The following MTUS2 variants were observed in gnomAD, a reference collection of about 807,000 sequenced individuals.
The protein encoded by MTUS2 is microtubule-associated tumor suppressor candidate 2.
In MTUS2, 40 loss-of-function variants were observed where a neutral mutation model predicts 114.1. The observed-to-expected ratio is 0.35, with a 90% confidence interval of 0.27 to 0.46. The LOEUF is 0.46. MTUS2 is among the 20% of genes least tolerant of loss of function. The pLI is 1.00. For missense variants in MTUS2, 1,679 were observed against 1,705.4 expected (o/e 0.98, Z 0.27); for synonymous variants, 688 against 672.0 (o/e 1.02, Z -0.37).
intron 7 of MTUS2, among the ~76,000 whole-genome samples, chr13:29,350,856 G>A (rs144061344): frequency 1.3e-5 from 2 of 151,416 alleles, no homozygotes; most frequent in African/African-American, 2.4e-5. Context: ...TCTTATAAGA[G>A]CACTAATCCC....
chr13:29,307,846 G>T, intron 6 of MTUS2: 1 of 681,458 alleles, frequency 1.5e-6, no homozygotes, highest in East Asian at 2.9e-5. Flanking sequence ...TTCACTGCTG[G>T]GGGACACTTA....
intron 4 of MTUS2, among the ~76,000 whole-genome samples, chr13:29,059,227 G>GA: frequency 1.4e-5 from 1 of 71,368 alleles, no homozygotes; most frequent in Non-Finnish European, 2.7e-5. Flanking sequence ...CTATTCTTTG[G>GA]ATTTTTTTTT....
rs1899507664 is a variant in MTUS2 at position 29,307,142 on chromosome 13, C to A, written c.2807-17471C>A. ...GGAGGAGCCAAAAGGGTCATCCTTT[C>A]TGCCCCCTCTGCCAACACCCTGATG... On this transcript the variant is annotated intron_variant, in intron 6 of 15. Transcript: ENST00000612955. 4 of 480,990 alleles carry A rather than the reference C, an allele frequency of 8.3e-6. No individual in the cohort carries two copies. In the Admixed American group the frequency reaches 1.1e-4, roughly 13 times the overall value. 29.8% of individuals were successfully genotyped at this position (480,990 alleles called of 1,614,324 possible).
rs531175530 is a variant in MTUS2, at chr13:28,902,662, C to A, written c.-243+62812C>A. ...TCAAATGTGGAACCAGCCTTGCATA[C>A]CTGGATTAATCCTAGTGTGTGTAAT... On this transcript the variant is annotated intron_variant, in intron 2 of 15. Transcript: ENST00000612955. Among the ~76,000 whole-genome samples the A allele has an allele frequency of 1.8e-4, 27 of 152,184 alleles. No homozygotes were observed. In the South Asian group the frequency reaches 5.2e-3, roughly 29 times the overall value.
intron 4 of MTUS2, among the ~76,000 whole-genome samples, chr13:29,068,633 C>G (rs1888771060): frequency 6.6e-6 from 1 of 152,156 alleles, no homozygotes; most frequent in African/African-American, 2.4e-5. Context: ...ATGAATTCAA[C>G]CCCCAGTTGA....
intron 9 of MTUS2, among the ~76,000 whole-genome samples, chr13:29,459,301 A>G (rs1261922582): frequency 1.3e-5 from 2 of 152,180 alleles, no homozygotes; most frequent in African/African-American, 4.8e-5. Flanking sequence ...TTTACAGAAT[A>G]AGCTGATACT....
intron 2 of MTUS2, among the ~76,000 whole-genome samples, chr13:28,847,971 C>T (rs1358925891): frequency 2.0e-5 from 3 of 152,190 alleles, no homozygotes; most frequent in Non-Finnish European, 2.9e-5. Context: ...AGGCTCAGCC[C>T]TCCTGTCATC....
intron 5 of MTUS2, among the ~76,000 whole-genome samples, chr13:29,222,845 G>C (rs923675376): frequency 1.3e-5 from 2 of 152,246 alleles, no homozygotes; most frequent in Non-Finnish European, 2.9e-5. Context: ...GCGGAGCAAA[G>C]TTGTGGCCAA....
At chr13:29,122,134 G>A (rs1891336410) in intron 5 of MTUS2, among the ~76,000 whole-genome samples, 2 of 152,172 alleles carry the variant, frequency 1.3e-5, no homozygotes, top group South Asian at 4.1e-4. Flanking sequence ...ACAGCCCCTG[G>A]ATTGAGTCCC....
At chr13:28,894,631 C>T (rs1220457239) in intron 2 of MTUS2, among the ~76,000 whole-genome samples, 4 of 152,180 alleles carry the variant, frequency 2.6e-5, no homozygotes, top group Non-Finnish European at 5.9e-5. Context: ...GGTTTAAGGT[C>T]ATGTGTTTAT....
intron 2 of MTUS2, among the ~76,000 whole-genome samples, chr13:28,902,676 A>G (rs749017819): frequency 2.6e-5 from 4 of 152,102 alleles, no homozygotes; most frequent in Admixed American, 2.0e-4. Context: ...GATTAATCCT[A>G]GTGTGTGTAA....
At chr13:28,837,941 T>TA (rs1875207559) in intron 1 of MTUS2, among the ~76,000 whole-genome samples, 2 of 149,674 alleles carry the variant, frequency 1.3e-5, no homozygotes, top group South Asian at 4.2e-4. Flanking sequence ...TTCATGGTCT[T>TA]ATGTGTTTTT....
chr13:29,404,243 C>A (rs113747703), intron 8 of MTUS2, among the ~76,000 whole-genome samples: 1 of 151,586 alleles, frequency 6.6e-6, no homozygotes, highest in African/African-American at 2.4e-5. Flanking sequence ...CCCAGCTACT[C>A]GGGAGGCTGA....
At chr13:29,255,969 C>G (rs927830694) in intron 5 of MTUS2, among the ~76,000 whole-genome samples, 4 of 152,174 alleles carry the variant, frequency 2.6e-5, no homozygotes, top group African/African-American at 9.7e-5. Context: ...TTGGTGTCTG[C>G]TTTTATAAAA....
intron 5 of MTUS2, among the ~76,000 whole-genome samples, chr13:29,197,379 G>A (rs568134633): frequency 3.0e-4 from 45 of 152,222 alleles, no homozygotes; most frequent in African/African-American, 1.0e-3. Context: ...CTTCATCCAT[G>A]TCCCTGCAAA....
intron 4 of MTUS2, among the ~76,000 whole-genome samples, chr13:29,043,484 T>C (rs756696346): frequency 6.6e-5 from 10 of 152,148 alleles, no homozygotes; most frequent in Non-Finnish European, 1.5e-4. Flanking sequence ...TGTTGTTTTG[T>C]TGACTTTCTG....
intron 5 of MTUS2, among the ~76,000 whole-genome samples, chr13:29,124,281 T>C (rs1377625023): frequency 1.3e-5 from 2 of 152,230 alleles, no homozygotes; most frequent in African/African-American, 2.4e-5. Context: ...TAATTTAATG[T>C]AAATCATTAC....
intron 5 of MTUS2, among the ~76,000 whole-genome samples, chr13:29,250,963 G>A (rs1175374481): frequency 6.6e-6 from 1 of 152,100 alleles, no homozygotes; most frequent in Non-Finnish European, 1.5e-5. Flanking sequence ...TACTGCTGTT[G>A]GGAACAGGTA....
intron 2 of MTUS2, among the ~76,000 whole-genome samples, chr13:28,869,366 C>T (rs940191650): frequency 4.6e-5 from 7 of 152,068 alleles, no homozygotes; most frequent in East Asian, 1.9e-4. Flanking sequence ...TCATTTTTAC[C>T]GTTATTTAAA....
Sources: allele counts gnomAD v4.1 joint callset (sites outside exome capture counted in the v4.1 genomes callset), GRCh38; gene constraint gnomAD v4.1.1; transcripts MANE v1.5; gene names NCBI Gene and HGNC (gene_info 2026-07-23, HGNC 2026-07-21).